The following RIT2 variants were observed in gnomAD, a reference collection of about 807,000 sequenced individuals.
RIT2 encodes GTP-binding protein Rit2.
A neutral mutation model predicts 23.7 loss-of-function variants in RIT2; 24 were observed. The observed-to-expected ratio is 1.01, with a 90% confidence interval of 0.73 to 1.43. The LOEUF (loss-of-function observed/expected upper bound fraction) is 1.43. Among genes scored for constraint, RIT2 ranks in the 40% most tolerant of loss-of-function variants. The pLI is 0.00. For synonymous variants in RIT2, 107 were observed against 91.1 expected (o/e 1.17, Z -0.99); for missense variants, 236 against 266.9 (o/e 0.88, Z 0.81).
At chr18:43,006,180 T>C (rs944816946) in intron 2 of RIT2, among the ~76,000 whole-genome samples, 1 of 151,722 alleles carries the variant, frequency 6.6e-6, no homozygotes, top group Non-Finnish European at 1.5e-5. Context: ...TGTATAGTAG[T>C]ACAATTTTTA....
intron 4 of RIT2, among the ~76,000 whole-genome samples, chr18:42,757,334 G>T (rs622364): frequency 0.56 from 84,593 of 151,998 alleles, 26,371 homozygotes; most frequent in Middle Eastern, 0.71. Flanking sequence ...TAAGAAGACC[G>T]GGTCATCATG....
intron 4 of RIT2, among the ~76,000 whole-genome samples, chr18:42,911,897 T>C (rs1225210869): frequency 1.3e-5 from 2 of 151,898 alleles, no homozygotes; most frequent in Admixed American, 1.3e-4. Context: ...ACAATTTCTT[T>C]CAAAACCAGA....
chr18:42,805,978 C>T (rs1207494576), intron 4 of RIT2, among the ~76,000 whole-genome samples: 5 of 151,724 alleles, frequency 3.3e-5, no homozygotes, highest in African/African-American at 4.8e-5. Flanking sequence ...CACCATTTAA[C>T]GACACAAGTA....
intron 4 of RIT2, among the ~76,000 whole-genome samples, chr18:42,866,753 C>G (rs943442043): frequency 4.0e-5 from 6 of 151,574 alleles, no homozygotes; most frequent in Non-Finnish European, 7.4e-5. Flanking sequence ...CCATTTTATT[C>G]TTAATATTTA....
chr18:42,763,807 GT>G (rs1258485324), intron 4 of RIT2, among the ~76,000 whole-genome samples: 1 of 151,918 alleles, frequency 6.6e-6, no homozygotes, highest in Non-Finnish European at 1.5e-5. Flanking sequence ...TCTATTTTAA[GT>G]TTTTTCTATT....
rs1386217324 is a variant in RIT2 at position 42,908,909 on chromosome 18, G to A, written c.426+14663C>T. 4.6e-5 allele frequency among the ~76,000 whole-genome samples: 7 copies of A among 151,984 alleles called. No homozygotes were observed. The East Asian group carries it at 7.7e-4, about 17-fold the overall frequency. The stretch of plus-strand genomic sequence containing the variant: ...AATTAGTACAACCACTACGGAAAAC[G>A]GTATGGTGATTCCTTAAAGAACAAA... On this transcript the variant is annotated intron_variant, in intron 4 of 4. Coordinates refer to ENST00000326695, the MANE Select transcript of RIT2 (RefSeq NM_002930.4).
At chr18:43,099,834 C>A (rs1913642058) in intron 1 of RIT2, among the ~76,000 whole-genome samples, 1 of 152,132 alleles carries the variant, frequency 6.6e-6, no homozygotes, top group Non-Finnish European at 1.5e-5. Flanking sequence ...CTATCAATCA[C>A]TAAATGCTTT....
intron 1 of RIT2, among the ~76,000 whole-genome samples, chr18:43,087,299 G>C (rs1383709959): frequency 6.6e-6 from 1 of 152,022 alleles, no homozygotes; most frequent in Non-Finnish European, 1.5e-5. Flanking sequence ...TCATTGAGTA[G>C]ATAGAAATAA....
chr18:42,991,903 G>A (rs1368544640), intron 2 of RIT2, among the ~76,000 whole-genome samples: 1 of 152,038 alleles, frequency 6.6e-6, no homozygotes, highest in African/African-American at 2.4e-5. Flanking sequence ...GTGATTAAAA[G>A]CTTTATTGCT....
chr18:42,947,864 T>A (rs1331007129), intron 3 of RIT2, among the ~76,000 whole-genome samples: 1 of 152,114 alleles, frequency 6.6e-6, no homozygotes, highest in Non-Finnish European at 1.5e-5. Context: ...AAAATGTATA[T>A]GTTTCTTCCC....
intron 4 of RIT2, among the ~76,000 whole-genome samples, chr18:42,765,002 T>C (rs1567990793): frequency 6.6e-6 from 1 of 152,228 alleles, no homozygotes; most frequent in East Asian, 1.9e-4. Context: ...GCACTCAGTA[T>C]ATCCTTCATC....
chr18:42,815,698 T>C (rs1905975412), intron 4 of RIT2, among the ~76,000 whole-genome samples: 1 of 152,136 alleles, frequency 6.6e-6, no homozygotes, highest in East Asian at 1.9e-4. Context: ...TGCATGAATG[T>C]AGAAATTAAT....
chr18:42,967,634 G>C (rs191184427), intron 3 of RIT2, among the ~76,000 whole-genome samples: 1 of 140,712 alleles, frequency 7.1e-6, no homozygotes. Flanking sequence ...CTCGTGATCC[G>C]CTCATCTCGG....
At chr18:43,085,677 T>C (rs939077235) in intron 1 of RIT2, among the ~76,000 whole-genome samples, 3 of 151,624 alleles carry the variant, frequency 2.0e-5, no homozygotes, top group Non-Finnish European at 4.4e-5. Context: ...ATAATTTCCT[T>C]ATTTTCTTAA....
At chr18:42,889,782 C>T (rs568552628) in intron 4 of RIT2, among the ~76,000 whole-genome samples, 10 of 152,108 alleles carry the variant, frequency 6.6e-5, no homozygotes, top group African/African-American at 2.4e-4. Flanking sequence ...GTAACATAAG[C>T]AGACATGTGT....
intron 4 of RIT2, among the ~76,000 whole-genome samples, chr18:42,820,324 C>T (rs1015588099): frequency 2.0e-5 from 3 of 151,774 alleles, no homozygotes; most frequent in Non-Finnish European, 4.4e-5. Flanking sequence ...ACCCTGACCT[C>T]GAACAGAAAA....
intron 4 of RIT2, among the ~76,000 whole-genome samples, chr18:42,871,934 G>A (rs75280904): frequency 0.035 from 5,353 of 152,248 alleles, 313 homozygotes; most frequent in East Asian, 0.24. Flanking sequence ...GGAACATCTT[G>A]TATGTCAGGG....
At chr18:42,876,538 T>C (rs1277920967) in intron 4 of RIT2, among the ~76,000 whole-genome samples, 1 of 151,852 alleles carries the variant, frequency 6.6e-6, no homozygotes, top group African/African-American at 2.4e-5. Flanking sequence ...GTGAGAAAAG[T>C]AATCACATGG....
At chr18:42,906,033 T>C (rs886754182) in intron 4 of RIT2, among the ~76,000 whole-genome samples, 23 of 141,630 alleles carry the variant, frequency 1.6e-4, no homozygotes, top group African/African-American at 5.5e-4. Context: ...TATATATATA[T>C]ATACATATAT....
Sources: allele counts gnomAD v4.1 joint callset (sites outside exome capture counted in the v4.1 genomes callset), GRCh38; gene constraint gnomAD v4.1.1; transcripts MANE v1.5; gene names NCBI Gene and HGNC (gene_info 2026-07-23, HGNC 2026-07-21).